Variants in NPSR1 observed in about 807,000 individuals in gnomAD.
NPSR1 encodes neuropeptide S receptor 1, also known as neuropeptide S receptor.
In NPSR1, 48 loss-of-function variants were observed where a neutral mutation model predicts 46.9. The observed-to-expected ratio is 1.02, with a 90% CI of 0.81 to 1.30. The LOEUF (loss-of-function observed/expected upper bound fraction) is 1.30. NPSR1 is among the 50% of genes most tolerant of loss of function. NPSR1 has a pLI of 0.00. For synonymous variants in NPSR1, 176 were observed against 168.1 expected (o/e 1.05, Z -0.36); for missense variants, 450 against 449.5 (o/e 1.00, Z -0.01).
intron 2 of NPSR1, among the ~76,000 whole-genome samples, chr7:34,700,657 C>A (rs1190863046): frequency 7.2e-5 from 11 of 152,190 alleles, no homozygotes. Flanking sequence ...CACAAACTCA[C>A]CTCTTTGAAT....
chr7:34,689,330 G>T (rs1420589636), intron 2 of NPSR1, among the ~76,000 whole-genome samples: 1 of 152,134 alleles, frequency 6.6e-6, no homozygotes, highest in Non-Finnish European at 1.5e-5. Context: ...CTGGGGCCAG[G>T]CACAGTGGCT....
At chr7:34,822,253 GGTTCGGA>G (rs964331008) in intron 4 of NPSR1, among the ~76,000 whole-genome samples, 4 of 152,132 alleles carry the variant, frequency 2.6e-5, no homozygotes, top group Admixed American at 6.5e-5. Context: ...TGAGAGGCAG[GGTTCGGA>G]GTTTATGCGG....
chr7:34,762,312 A>G lies in NPSR1; in HGVS notation c.281-16150A>G, dbSNP rs11979833. Among the ~76,000 whole-genome samples the G allele has an allele frequency of 4.3e-4, 66 of 152,304 alleles. 1 individual carries two copies. The highest frequency in any genetic ancestry group is 1.6e-3 in the African/African-American group (66 of 41,580). On this transcript the variant is annotated intron_variant, in intron 2 of 8. Transcript: ENST00000360581. ...ATTAATAAAGAGCCGGGGAGTTGAC[A>G]GTTTAGACCATTAGGCTTAGCTGGT... is the stretch of plus-strand genomic sequence containing the variant.
At chr7:34,662,000 G>T (rs917905168) in intron 1 of NPSR1, among the ~76,000 whole-genome samples, 3 of 152,138 alleles carry the variant, frequency 2.0e-5, no homozygotes, top group Non-Finnish European at 2.9e-5. Flanking sequence ...AATTTTGCTG[G>T]TGAATTCACC....
intron 2 of NPSR1, among the ~76,000 whole-genome samples, chr7:34,694,976 G>A (rs527844547): frequency 6.6e-6 from 1 of 152,098 alleles, no homozygotes; most frequent in Admixed American, 6.6e-5. Flanking sequence ...TCAAAGTGCT[G>A]GGATTACAGG....
At chr7:34,846,231 C>T (rs1282123551) in intron 7 of NPSR1, among the ~76,000 whole-genome samples, 1 of 152,052 alleles carries the variant, frequency 6.6e-6, no homozygotes, top group Non-Finnish European at 1.5e-5. Context: ...CAAGTGTGTC[C>T]CAGAGCCTGC....
intron 4 of NPSR1, among the ~76,000 whole-genome samples, chr7:34,822,788 A>G (rs1584098114): frequency 6.6e-6 from 1 of 152,202 alleles, no homozygotes; most frequent in East Asian, 1.9e-4. Context: ...CACTTCAAAC[A>G]TAAAAGGAGT....
intron 5 of NPSR1, among the ~76,000 whole-genome samples, chr7:34,831,332 C>CACACACACAA (rs1422020382): frequency 1.3e-5 from 2 of 151,974 alleles, no homozygotes; most frequent in Non-Finnish European, 2.9e-5. Flanking sequence ...CACACACACA[C>CACACACACAA]ACACACACAA....
At chr7:34,696,089 A>C (rs576518219) in intron 2 of NPSR1, among the ~76,000 whole-genome samples, 34 of 151,814 alleles carry the variant, frequency 2.2e-4, no homozygotes, top group African/African-American at 8.2e-4. Flanking sequence ...AAAAAAAAAA[A>C]AAAAAAAAAC....
intron 1 of NPSR1, among the ~76,000 whole-genome samples, chr7:34,658,814 T>C (rs540623407): frequency 6.6e-6 from 1 of 152,284 alleles, no homozygotes; most frequent in East Asian, 1.9e-4. Flanking sequence ...GAGTAACATT[T>C]ATGAGTGGAT....
At chr7:34,716,206 G>A (rs72552330) in intron 2 of NPSR1, among the ~76,000 whole-genome samples, 10 of 152,074 alleles carry the variant, frequency 6.6e-5, no homozygotes, top group East Asian at 1.9e-4. Flanking sequence ...GAGTCTTGCC[G>A]CTTGGACCGT....
At chr7:34,806,000 T>C (rs1044652857) in intron 3 of NPSR1, among the ~76,000 whole-genome samples, 2 of 151,874 alleles carry the variant, frequency 1.3e-5, no homozygotes, top group African/African-American at 4.8e-5. Flanking sequence ...TATTAGATAA[T>C]CACTAAAATT....
intron 1 of NPSR1, among the ~76,000 whole-genome samples, chr7:34,681,870 C>G (rs1792656525): frequency 6.6e-6 from 1 of 152,042 alleles, no homozygotes; most frequent in Non-Finnish European, 1.5e-5. Flanking sequence ...ATAGACTGGG[C>G]TATGATATTT....
chr7:34,793,863 C>T (rs1168867200), intron 3 of NPSR1, among the ~76,000 whole-genome samples: 3 of 152,044 alleles, frequency 2.0e-5, no homozygotes, highest in Non-Finnish European at 2.9e-5. Context: ...TTGGTATATA[C>T]ATAATATGCA....
At chr7:34,818,540 A>C (rs945419034) in intron 4 of NPSR1, among the ~76,000 whole-genome samples, 8 of 152,200 alleles carry the variant, frequency 5.3e-5, no homozygotes, top group Non-Finnish European at 1.0e-4. Context: ...GCTACCAATG[A>C]CTTTCTTCAC....
At chr7:34,753,102 T>C (rs187548672) in intron 2 of NPSR1, among the ~76,000 whole-genome samples, 1 of 152,258 alleles carries the variant, frequency 6.6e-6, no homozygotes, top group East Asian at 1.9e-4. Context: ...TTGATGAGTG[T>C]TTAAAGAAGC....
chr7:34,686,943 A>G (rs1037352358), intron 2 of NPSR1, among the ~76,000 whole-genome samples: 11 of 140,624 alleles, frequency 7.8e-5, no homozygotes, highest in Admixed American at 2.3e-4. Context: ...CCTGGGCGAC[A>G]GAGTGAGACT....
intron 7 of NPSR1, among the ~76,000 whole-genome samples, chr7:34,847,566 G>C (rs13246028): frequency 6.6e-6 from 1 of 151,714 alleles, no homozygotes; most frequent in Admixed American, 6.6e-5. Flanking sequence ...GAATGGATGG[G>C]GTACATTTCA....
intron 3 of NPSR1, among the ~76,000 whole-genome samples, chr7:34,791,736 T>C (rs115812363): frequency 0.01 from 1,560 of 152,202 alleles, 28 homozygotes; most frequent in African/African-American, 0.036. Context: ...AGTCCCAGAA[T>C]TGCCAGTGTT....
Sources: allele counts gnomAD v4.1 joint callset (sites outside exome capture counted in the v4.1 genomes callset), GRCh38; gene constraint gnomAD v4.1.1; transcripts MANE v1.5; gene names NCBI Gene and HGNC (gene_info 2026-07-23, HGNC 2026-07-21).